STRBP: variants seen among roughly 807,000 people sequenced by gnomAD.
STRBP encodes the protein spermatid perinuclear RNA binding protein.
Under a neutral mutation model 80.1 loss-of-function variants are expected in STRBP, and 13 were observed. The observed-to-expected ratio is 0.16, with a 90% CI of 0.11 to 0.26. The LOEUF is 0.26. Ranked by LOEUF, STRBP falls within the 10% of genes least tolerant of loss-of-function variation. The probability of loss-of-function intolerance (pLI) is 1.00; values close to 1 mark genes in which losing one functional copy is unlikely to be tolerated. For synonymous variants in STRBP, 284 were observed against 291.2 expected (o/e 0.98, Z 0.25); for missense variants, 485 against 815.2 (o/e 0.59, Z 4.93).
At chr9:123,206,499 G>A (rs2039519854) in intron 2 of STRBP, among the ~76,000 whole-genome samples, 1 of 152,134 alleles carries the variant, frequency 6.6e-6, no homozygotes, top group African/African-American at 2.4e-5. Context: ...AGTTGCAGGG[G>A]CAAGGAAGTA....
At chr9:123,266,960 C>T (rs965861651) in intron 1 of STRBP, among the ~76,000 whole-genome samples, 15 of 151,978 alleles carry the variant, frequency 9.9e-5, no homozygotes, top group African/African-American at 3.4e-4. Context: ...GTCCACCTTC[C>T]CCTCCAGTCT....
intron 8 of STRBP, among the ~76,000 whole-genome samples, chr9:123,159,621 A>T (rs1252390924): frequency 6.6e-6 from 1 of 152,184 alleles, no homozygotes; most frequent in Non-Finnish European, 1.5e-5. Flanking sequence ...TATAATAATA[A>T]GACTTCGTTT....
At chr9:123,133,165 T>C (rs1419193239) in intron 16 of STRBP, among the ~76,000 whole-genome samples, 197 bp from the exon 17 acceptor site, 1 of 152,216 alleles carries the variant, frequency 6.6e-6, no homozygotes, top group Non-Finnish European at 1.5e-5. Context: ...TAAGAGAATA[T>C]GCAAATAACT....
chr9:123,208,743 T>C (rs1451667706), intron 2 of STRBP, among the ~76,000 whole-genome samples: 1 of 152,214 alleles, frequency 6.6e-6, no homozygotes, highest in African/African-American at 2.4e-5. Flanking sequence ...CCTAGCCACA[T>C]ACTTCTAGTA....
In STRBP at chr9:123,122,100, C is replaced by G. The variant is rs2035752399; in HGVS notation, c.*3497G>C. 4.1e-6 allele frequency: 1 copy of G among 245,242 alleles called. No homozygotes were observed. Among genetic ancestry groups the G allele is most frequent in the Admixed American group, 5.2e-5 (1 of 19,082 alleles). 15.2% of individuals were successfully genotyped at this position (245,242 alleles called of 1,614,324 possible). On this transcript the variant is annotated 3_prime_UTR_variant, in exon 19 of 19. Transcript: ENST00000348403. ...TAAAGGTAATGCGATGACATATGAC[C>G]TAAGAGATCAAATACATCATATATG...
chr9:123,182,093 C>T (rs1265705277), intron 3 of STRBP, among the ~76,000 whole-genome samples: 6 of 150,826 alleles, frequency 4.0e-5, no homozygotes, highest in African/African-American at 7.3e-5. Flanking sequence ...TACACCCCTA[C>T]AGTCCCAGCT....
At chr9:123,185,593 T>C (rs1458953174) in intron 2 of STRBP, among the ~76,000 whole-genome samples, 2 of 152,120 alleles carry the variant, frequency 1.3e-5, no homozygotes, top group Non-Finnish European at 2.9e-5. Context: ...CTAAGTAACA[T>C]AATACTAAAT....
chr9:123,199,363 G>C (rs996195929), intron 2 of STRBP, among the ~76,000 whole-genome samples: 5 of 152,148 alleles, frequency 3.3e-5, no homozygotes, highest in Non-Finnish European at 7.3e-5. Flanking sequence ...GACTACGCAG[G>C]CTCTTTTTTG....
At chr9:123,128,328 C>T (rs1391107100) in intron 17 of STRBP, 70 bp from the exon 18 acceptor site, 24 of 1,573,688 alleles carry the variant, frequency 1.5e-5, no homozygotes, top group Non-Finnish European at 2.1e-5. Flanking sequence ...AATTCACAAG[C>T]ACCACCTGCT....
intron 3 of STRBP, 70 bp from the exon 4 acceptor site, chr9:123,179,297 T>C (rs1230763302): frequency 2.2e-6 from 3 of 1,359,810 alleles, no homozygotes; most frequent in African/African-American, 1.4e-5. Context: ...GATATACAAC[T>C]ATATCTTTAG....
chr9:123,252,410 G>C (rs1437221714), intron 1 of STRBP, among the ~76,000 whole-genome samples: 1 of 152,152 alleles, frequency 6.6e-6, no homozygotes, highest in Non-Finnish European at 1.5e-5. Flanking sequence ...ACAAAGACTT[G>C]AAAACAAATC....
chr9:123,222,999 G>C (rs1334237280), intron 2 of STRBP, among the ~76,000 whole-genome samples: 4 of 151,396 alleles, frequency 2.6e-5, no homozygotes, highest in Non-Finnish European at 5.9e-5. Context: ...ATTTAATGGA[G>C]TTCACCATCA....
rs534700992 is a variant in STRBP, at chr9:123,193,759, T to A, written c.-164-9461A>T. ...TCCTTATCCAACCGAAATTACGTGA[T>A]CCATCATTTATCATTCATACCAGCA... On this transcript the variant is annotated intron_variant, in intron 2 of 18. Transcript: ENST00000348403. 2.0e-5 allele frequency among the ~76,000 whole-genome samples: 3 copies of A among 152,248 alleles called. No homozygotes were observed. In the East Asian group the frequency reaches 5.8e-4, roughly 29 times the overall value.
At chr9:123,143,137 C>A (rs2036663204) in intron 13 of STRBP, among the ~76,000 whole-genome samples, 1 of 152,204 alleles carries the variant, frequency 6.6e-6, no homozygotes, top group Non-Finnish European at 1.5e-5. Flanking sequence ...GATCTGATTT[C>A]ATCAGATTCT....
chr9:123,264,870 C>T (rs2041235576), intron 1 of STRBP, among the ~76,000 whole-genome samples: 1 of 152,076 alleles, frequency 6.6e-6, no homozygotes, highest in African/African-American at 2.4e-5. Context: ...CACCCCAAGT[C>T]AATAAAATGA....
intron 4 of STRBP, among the ~76,000 whole-genome samples, chr9:123,174,945 A>G (rs1166088409): frequency 2.0e-5 from 3 of 152,222 alleles, no homozygotes; most frequent in Non-Finnish European, 4.4e-5. Context: ...AAACATATTT[A>G]CAGGAGTTAC....
chr9:123,176,676 T>C (rs1394171337), intron 4 of STRBP, among the ~76,000 whole-genome samples: 2 of 152,198 alleles, frequency 1.3e-5, no homozygotes, highest in South Asian at 4.1e-4. Flanking sequence ...TTCTAAACCA[T>C]AATTATGATA....
Position 123,121,841 on chromosome 9 carries a change from G to C in STRBP, c.*3756C>G, listed in dbSNP as rs1248473593. Reference sequence around the variant, plus strand: ...AAATTCCACTGCTTTGGCCAAAAGAGTGCCCTGTCATTAAAATCTTCTTAG... The same window carrying C: ...AAATTCCACTGCTTTGGCCAAAAGACTGCCCTGTCATTAAAATCTTCTTAG... On this transcript the variant is annotated 3_prime_UTR_variant, in exon 19 of 19. Transcript: ENST00000348403. The C allele has an allele frequency of 6.6e-6, 1 of 152,542 alleles. No homozygotes were observed. Among genetic ancestry groups the C allele is most frequent in the Non-Finnish European group, 1.5e-5 (1 of 68,466 alleles). 9.4% of individuals were successfully genotyped at this position (152,542 alleles called of 1,614,324 possible). A position where few individuals can be genotyped will look rare whatever the true frequency, so the allele number is the denominator to read the frequency against.
chr9:123,205,932 T>A (rs1010721925), intron 2 of STRBP, among the ~76,000 whole-genome samples: 1 of 152,196 alleles, frequency 6.6e-6, no homozygotes, highest in South Asian at 2.1e-4. Flanking sequence ...TACTGATATT[T>A]ATGAAAAACC....
Sources: gnomAD v4.1 joint callset for allele counts (sites outside exome capture counted in the v4.1 genomes callset) on GRCh38, gnomAD v4.1.1 for gene constraint, MANE v1.5 for transcripts, NCBI Gene and HGNC (gene_info 2026-07-23, HGNC 2026-07-21) for gene names.